LPP: variants seen among roughly 807,000 people sequenced by gnomAD.
LPP encodes LIM domain containing preferred translocation partner in lipoma, also known as lipoma-preferred partner.
Under a neutral mutation model 60.4 loss-of-function variants are expected in LPP, and 38 were observed. The ratio of observed to expected loss-of-function variants is 0.63; its 90% CI spans 0.49 to 0.83. The LOEUF is 0.83. LPP is among the 40% of genes least tolerant of loss of function. The probability of loss-of-function intolerance (pLI) is 0.00; values close to 1 mark genes in which losing one functional copy is unlikely to be tolerated. For missense variants in LPP, 902 were observed against 783.6 expected (o/e 1.15, Z -1.80); for synonymous variants, 328 against 290.8 (o/e 1.13, Z -1.30).
At position 188,879,639 on chromosome 3, in the gene LPP, T is replaced by A. The variant is rs1252900452; in HGVS notation, c.*5160T>A. ...AAAGACTAGGTTAAGATTTTTTTTT[T>A]AAGTCTGAAGCAATGTAACCCCAAA... On this transcript the variant is annotated 3_prime_UTR_variant, in exon 12 of 12. Coordinates refer to ENST00000617246, the MANE Select transcript of LPP (RefSeq NM_001375462.1). 3 of 184,950 alleles carry A rather than the reference T, an allele frequency of 1.6e-5. No homozygotes were observed. Among genetic ancestry groups the A allele is most frequent in the Non-Finnish European group, 1.1e-5 (1 of 87,224 alleles). The allele number at this position is 184,950 out of a possible 1,614,324, so 11.5% of individuals were successfully genotyped here.
At position 188,176,282 on chromosome 3, in the gene LPP, A is replaced by T. The variant is rs148022463; in HGVS notation, c.-190+22030A>T. Among the ~76,000 whole-genome samples the T allele has an allele frequency of 1.4e-4, 22 of 152,260 alleles. No individual in the cohort carries two copies. The East Asian group carries it at 4.0e-3, about 28-fold the overall frequency. ...TGAAGAGAACCTATGATCTAGTTCAACTTCTGGGATTTCTTGCTTTCTTTC... is the reference window on the plus strand; with the variant it reads ...TGAAGAGAACCTATGATCTAGTTCATCTTCTGGGATTTCTTGCTTTCTTTC... On this transcript the variant is annotated intron_variant, in intron 1 of 11. Coordinates refer to ENST00000617246, the MANE Select transcript of LPP (RefSeq NM_001375462.1).
chr3:188,795,031 A>G (rs1744926992), intron 9 of LPP, among the ~76,000 whole-genome samples: 1 of 152,180 alleles, frequency 6.6e-6, no homozygotes, highest in African/African-American at 2.4e-5. Flanking sequence ...GCTACTCAGG[A>G]GGCTGAGGCA....
At chr3:188,672,961 T>G (rs532447344) in intron 7 of LPP, among the ~76,000 whole-genome samples, 1 of 132,826 alleles carries the variant, frequency 7.5e-6, no homozygotes, top group South Asian at 2.1e-4. Flanking sequence ...TCTTTTATTG[T>G]TTTTTTTTTT....
intron 5 of LPP, among the ~76,000 whole-genome samples, chr3:188,503,629 C>T (rs959423643): frequency 6.8e-6 from 1 of 147,388 alleles, no homozygotes; most frequent in African/African-American, 2.5e-5. Flanking sequence ...TAATAAAGAA[C>T]TCTCTCACCT....
intron 2 of LPP, among the ~76,000 whole-genome samples, chr3:188,229,013 A>G (rs902895002): frequency 6.6e-6 from 1 of 152,204 alleles, no homozygotes; most frequent in Non-Finnish European, 1.5e-5. Context: ...TGCTCAGCGT[A>G]TGCCCTTCCT....
intron 2 of LPP, among the ~76,000 whole-genome samples, chr3:188,280,351 C>T (rs1472170450): frequency 1.3e-5 from 2 of 152,246 alleles, no homozygotes; most frequent in East Asian, 3.9e-4. Context: ...AAATTGATGC[C>T]TATGACAATT....
intron 1 of LPP, among the ~76,000 whole-genome samples, chr3:188,202,997 A>G (rs1731503984): frequency 6.7e-6 from 1 of 150,212 alleles, no homozygotes; most frequent in East Asian, 1.9e-4. Flanking sequence ...TATTTTATAT[A>G]TATTTGCTGG....
chr3:188,356,626 C>A lies in LPP; in HGVS notation c.-10+14907C>A, dbSNP rs1183706288. 3.3e-5 allele frequency among the ~76,000 whole-genome samples: 5 copies of A among 152,162 alleles called. No individual in the cohort carries two copies. The East Asian group carries it at 9.6e-4, about 29-fold the overall frequency. On this transcript the variant is annotated intron_variant, in intron 3 of 11. Transcript: ENST00000617246. ...TGATCTAGAGTCAGTGGCTTATTTC[C>A]CACAAGGATTCAGTGGGCAACTGTG... is the stretch of plus-strand genomic sequence containing the variant.
intron 5 of LPP, among the ~76,000 whole-genome samples, chr3:188,485,555 C>G (rs1021882932): frequency 6.6e-6 from 1 of 151,788 alleles, no homozygotes; most frequent in Admixed American, 6.6e-5. Flanking sequence ...CCCAGCACTT[C>G]GGGAGGCCGA....
chr3:188,368,723 GAGA>G (rs1560306821), intron 3 of LPP, among the ~76,000 whole-genome samples: 123 of 74,566 alleles, frequency 1.6e-3, no homozygotes, highest in Non-Finnish European at 3.1e-3. Flanking sequence ...CACACACAGA[GAGA>G]GAGAGAGAGA....
chr3:188,830,560 G>A (rs563609708), intron 9 of LPP, among the ~76,000 whole-genome samples: 1 of 151,696 alleles, frequency 6.6e-6, no homozygotes, highest in Non-Finnish European at 1.5e-5. Context: ...AGCCAAGATT[G>A]CACCACTGCA....
chr3:188,589,144 A>G (rs1193808687), intron 6 of LPP, among the ~76,000 whole-genome samples: 1 of 151,968 alleles, frequency 6.6e-6, no homozygotes, highest in Non-Finnish European at 1.5e-5. Flanking sequence ...ATATATATGT[A>G]CATATATATG....
chr3:188,496,990 G>A (rs1298843629), intron 5 of LPP, among the ~76,000 whole-genome samples: 1 of 139,978 alleles, frequency 7.1e-6, no homozygotes, highest in Non-Finnish European at 1.5e-5. Flanking sequence ...GCCAACTAGT[G>A]GAAAAAAAGT....
intron 9 of LPP, among the ~76,000 whole-genome samples, chr3:188,864,921 A>G (rs1766217480): frequency 6.6e-6 from 1 of 152,224 alleles, no homozygotes; most frequent in Admixed American, 6.5e-5. Flanking sequence ...AGAGATACAA[A>G]GAAGCCAAAT....
intron 2 of LPP, among the ~76,000 whole-genome samples, chr3:188,239,222 G>T (rs1722977768): frequency 6.6e-6 from 1 of 152,184 alleles, no homozygotes; most frequent in South Asian, 2.1e-4. Context: ...CCTGGGCCCT[G>T]GGTGCAGATG....
intron 7 of LPP, among the ~76,000 whole-genome samples, chr3:188,703,486 G>A (rs1864888651): frequency 6.6e-6 from 1 of 152,106 alleles, no homozygotes; most frequent in Non-Finnish European, 1.5e-5. Flanking sequence ...TCTTAACGGA[G>A]GAACCCTGTG....
chr3:188,793,146 A>T (rs867933039), intron 9 of LPP, among the ~76,000 whole-genome samples: 8 of 150,236 alleles, frequency 5.3e-5, no homozygotes, highest in Admixed American at 5.3e-4. Flanking sequence ...GAAGGAAGAG[A>T]TTATGAAGAT....
intron 9 of LPP, among the ~76,000 whole-genome samples, chr3:188,786,865 T>C (rs1742085905): frequency 6.6e-6 from 1 of 152,162 alleles, no homozygotes; most frequent in African/African-American, 2.4e-5. Context: ...TATATAACAT[T>C]CTTGAAATAA....
chr3:188,555,136 C>G (rs1560557950), intron 6 of LPP, among the ~76,000 whole-genome samples: 1 of 152,016 alleles, frequency 6.6e-6, no homozygotes, highest in Admixed American at 6.6e-5. Context: ...CAGAGGGAAG[C>G]ACAAGCGTGA....
Sources: allele counts gnomAD v4.1 joint callset (sites outside exome capture counted in the v4.1 genomes callset), GRCh38; gene constraint gnomAD v4.1.1; transcripts MANE v1.5; gene names NCBI Gene and HGNC (gene_info 2026-07-23, HGNC 2026-07-21).